NAALADL2: variants seen among roughly 807,000 people sequenced by gnomAD.
NAALADL2 encodes inactive N-acetylated-alpha-linked acidic dipeptidase-like protein 2.
In NAALADL2, 76 loss-of-function variants were observed where a neutral mutation model predicts 87.2. The observed-to-expected ratio is 0.87, with a 90% CI of 0.72 to 1.05. The LOEUF (loss-of-function observed/expected upper bound fraction) is 1.05. Among genes scored for constraint, NAALADL2 ranks in the 50% least tolerant of loss-of-function variants. NAALADL2 has a pLI of 0.00. For synonymous variants in NAALADL2, 354 were observed against 331.0 expected (o/e 1.07, Z -0.75); for missense variants, 1,089 against 945.8 (o/e 1.15, Z -1.99).
intron 1 of NAALADL2, among the ~76,000 whole-genome samples, chr3:174,957,567 C>A (rs1741333258): frequency 6.6e-6 from 1 of 151,648 alleles, no homozygotes; most frequent in Non-Finnish European, 1.5e-5. Context: ...AGAAGGAAGA[C>A]CCAATAGAAA....
rs531851692 is a variant in NAALADL2 at position 175,745,414 on chromosome 3, G to T, written c.1990+8015G>T. On this transcript the variant is annotated intron_variant, in intron 12 of 13. Coordinates refer to ENST00000454872, the MANE Select transcript of NAALADL2 (RefSeq NM_207015.3). ...TGTCCCTCAGTATCCATGGAGAATT[G>T]GTTCCAGGAACTCTCTCAAATACCA... Among the ~76,000 whole-genome samples the T allele has an allele frequency of 5.3e-5, 8 of 152,168 alleles. No individual in the cohort carries two copies. In the South Asian group the frequency reaches 1.7e-3, roughly 32 times the overall value.
intron 11 of NAALADL2, among the ~76,000 whole-genome samples, chr3:175,665,835 GCAGGAGAATCGCTTAAACC>G (rs1278816878): frequency 6.6e-6 from 1 of 152,060 alleles, no homozygotes; most frequent in East Asian, 1.9e-4. Context: ...GGAGGCTGAG[GCAGGAGAATCGCTTAAACC>G]CAGGAGGCGG....
At chr3:174,708,718 G>A (rs1394097556) in intron 2 of NAALADL2, among the ~76,000 whole-genome samples, 1 of 152,076 alleles carries the variant, frequency 6.6e-6, no homozygotes, top group Non-Finnish European at 1.5e-5. Flanking sequence ...TTTTTACAAT[G>A]ACCTTTTCAG....
intron 1 of NAALADL2, among the ~76,000 whole-genome samples, chr3:174,977,619 A>C (rs927673707): frequency 3.9e-5 from 6 of 152,284 alleles, no homozygotes; most frequent in Non-Finnish European, 7.3e-5. Context: ...GTTAACTCCA[A>C]TATATAATAT....
chr3:175,050,819 T>G (rs1353861420), intron 1 of NAALADL2, among the ~76,000 whole-genome samples: 2 of 152,162 alleles, frequency 1.3e-5, no homozygotes, highest in Non-Finnish European at 1.5e-5. Context: ...CAGTTATGAG[T>G]GCACATAAGA....
At chr3:175,314,685 T>C (rs1345474089) in intron 4 of NAALADL2, among the ~76,000 whole-genome samples, 5 of 27,558 alleles carry the variant, frequency 1.8e-4, no homozygotes, top group African/African-American at 8.7e-4. Context: ...TATATATATA[T>C]ATATATATAT....
At chr3:174,494,600 G>T (rs539357519) in intron 1 of NAALADL2, among the ~76,000 whole-genome samples, 1 of 144,442 alleles carries the variant, frequency 6.9e-6, no homozygotes, top group Admixed American at 7.0e-5. Flanking sequence ...TTGTGCACAT[G>T]TACCCTAGAA....
intron 2 of NAALADL2, among the ~76,000 whole-genome samples, chr3:174,607,078 T>A (rs1258685339): frequency 6.6e-6 from 1 of 151,926 alleles, no homozygotes; most frequent in Non-Finnish European, 1.5e-5. Flanking sequence ...GCTTCATAAG[T>A]GAAGGAGAAA....
intron 11 of NAALADL2, among the ~76,000 whole-genome samples, chr3:175,668,292 C>T (rs919328931): frequency 1.3e-5 from 2 of 152,106 alleles, no homozygotes; most frequent in Non-Finnish European, 1.5e-5. Flanking sequence ...AGAAGGAGAA[C>T]AATTGTGGCA....
chr3:175,788,343 A>G, intron 13 of NAALADL2, among the ~76,000 whole-genome samples: 1 of 151,978 alleles, frequency 6.6e-6, no homozygotes, highest in Non-Finnish European at 1.5e-5. Context: ...CCACCACCTC[A>G]GCCTCCCAAA....
intron 2 of NAALADL2, among the ~76,000 whole-genome samples, chr3:174,707,748 A>G (rs1730235200): frequency 1.3e-5 from 2 of 152,082 alleles, no homozygotes; most frequent in African/African-American, 4.8e-5. Flanking sequence ...TACATATGTA[A>G]AAATCCTGCA....
At chr3:175,372,265 G>A (rs1041058764) in intron 5 of NAALADL2, among the ~76,000 whole-genome samples, 5 of 152,136 alleles carry the variant, frequency 3.3e-5, no homozygotes, top group Admixed American at 2.0e-4. Context: ...CTAATACCTA[G>A]CTATATTTAG....
intron 1 of NAALADL2, among the ~76,000 whole-genome samples, chr3:175,090,888 C>G (rs1243367998): frequency 2.6e-5 from 4 of 151,332 alleles, no homozygotes; most frequent in African/African-American, 9.7e-5. Context: ...GGTTGATGTA[C>G]AAAATTGCAA....
Position 174,477,578 on chromosome 3 carries a change from G to A in NAALADL2, c.-184+36546G>A, listed in dbSNP as rs143830114. 6.3e-3 allele frequency among the ~76,000 whole-genome samples: 963 copies of A among 152,202 alleles called. 15 individuals are homozygous for A. The highest frequency in any genetic ancestry group is 0.01 in the Non-Finnish European group (694 of 67,984). ...TTGCTGCCTAAATTGGTTAATTGGC[G>A]TTCTACAGAACTCCCTTGTTTAATT... On this transcript the variant is annotated intron_variant, in intron 1 of 3. Coordinates refer to the NAALADL2 transcript ENST00000434257.
At chr3:174,449,342 T>C (rs1170362124) in intron 1 of NAALADL2, among the ~76,000 whole-genome samples, 1 of 152,144 alleles carries the variant, frequency 6.6e-6, no homozygotes, top group African/African-American at 2.4e-5. Flanking sequence ...ACAAAAAACA[T>C]TTCAGCACTA....
chr3:175,158,704 T>G lies in NAALADL2; in HGVS notation c.545+61413T>G, dbSNP rs544358621. 3.3e-5 allele frequency among the ~76,000 whole-genome samples: 5 copies of G among 152,214 alleles called. 1 individual carries two copies. The East Asian group carries it at 9.6e-4, about 29-fold the overall frequency. The stretch of plus-strand genomic sequence containing the variant: ...TAAAATATAAATGTAAATAGCAATT[T>G]TTTTGCAGTGAAGATTTTTCTGCCA... On this transcript the variant is annotated intron_variant, in intron 2 of 13. Coordinates refer to ENST00000454872, the MANE Select transcript of NAALADL2 (RefSeq NM_207015.3).
intron 10 of NAALADL2, among the ~76,000 whole-genome samples, chr3:175,595,821 C>A (rs975557229): frequency 1.3e-5 from 2 of 151,908 alleles, no homozygotes; most frequent in Non-Finnish European, 2.9e-5. Flanking sequence ...TGCCCCCAAA[C>A]AATTTATAGA....
At chr3:174,721,452 G>A (rs1050687922) in intron 2 of NAALADL2, among the ~76,000 whole-genome samples, 6 of 152,126 alleles carry the variant, frequency 3.9e-5, no homozygotes, top group African/African-American at 1.2e-4. Context: ...AGACTGTGAC[G>A]CAGCGAGGCA....
At chr3:175,121,494 C>T (rs954803101) in intron 2 of NAALADL2, among the ~76,000 whole-genome samples, 5 of 151,806 alleles carry the variant, frequency 3.3e-5, no homozygotes, top group Non-Finnish European at 7.4e-5. Flanking sequence ...TCATTACTGG[C>T]TGTGGTTGCA....
Sources: gnomAD v4.1 joint callset for allele counts (sites outside exome capture counted in the v4.1 genomes callset) on GRCh38, gnomAD v4.1.1 for gene constraint, MANE v1.5 for transcripts, NCBI Gene and HGNC (gene_info 2026-07-23, HGNC 2026-07-21) for gene names.